The following ANKH variants were observed in gnomAD, a reference collection of about 807,000 sequenced individuals.
The protein encoded by ANKH is ANKH inorganic pyrophosphate transport regulator.
Under a neutral mutation model 49.0 loss-of-function variants are expected in ANKH, and 15 were observed. That is an observed-to-expected ratio of 0.31 (90% CI 0.20 to 0.47). ANKH has a LOEUF of 0.47. ANKH is among the 20% of genes least tolerant of loss of function. The pLI is 1.00. For synonymous variants in ANKH, 273 were observed against 260.0 expected, an observed-to-expected ratio of 1.05 and a Z score of -0.48; for missense variants, 429 against 652.0, an observed-to-expected ratio of 0.66 and a Z score of 3.72.
intron 1 of ANKH, among the ~76,000 whole-genome samples, chr5:14,854,165 T>C (rs1742194404): frequency 6.6e-6 from 1 of 152,238 alleles, no homozygotes; most frequent in Non-Finnish European, 1.5e-5. Flanking sequence ...ATGAATATCA[T>C]AGCATTTGCA....
chr5:14,724,547 C>T lies in ANKH; in HGVS notation c.1012-7712G>A, dbSNP rs533602369. 1.1e-5 allele frequency: 11 copies of T among 985,326 alleles called. No individual in the cohort carries two copies. The African/African-American group carries it at 1.4e-4, about 13-fold the overall frequency. The allele number at this position is 985,326 out of a possible 1,614,324, so 61.0% of individuals were successfully genotyped here. Reference sequence around the variant, plus strand: ...TCGCCAGCTTTACAGACAGAAGACCCCTGGGTCTTACTATGCTACAGTCCG... The same window carrying T: ...TCGCCAGCTTTACAGACAGAAGACCTCTGGGTCTTACTATGCTACAGTCCG... On this transcript the variant is annotated intron_variant, in intron 8 of 11. Coordinates refer to ENST00000284268, the MANE Select transcript of ANKH (RefSeq NM_054027.6).
intron 7 of ANKH, 35 bp from the exon 8 acceptor site, chr5:14,741,957 G>A (rs146936383): frequency 3.3e-5 from 51 of 1,553,656 alleles, no homozygotes; most frequent in Middle Eastern, 1.7e-4. Context: ...GAATGGGCCC[G>A]GCTTATCCTT....
At chr5:14,785,550 C>T (rs1257439763) in intron 1 of ANKH, among the ~76,000 whole-genome samples, 3 of 152,110 alleles carry the variant, frequency 2.0e-5, no homozygotes, top group Non-Finnish European at 2.9e-5. Context: ...CCTGCAGCAC[C>T]GTAAGCCAAT....
chr5:14,814,732 C>T (rs10054602), intron 1 of ANKH, among the ~76,000 whole-genome samples: 16,084 of 152,254 alleles, frequency 0.11, 1,330 homozygotes, highest in East Asian at 0.44. Flanking sequence ...TGGCATTCCT[C>T]GACTCAGACT....
intron 1 of ANKH, among the ~76,000 whole-genome samples, chr5:14,858,281 C>G (rs528019221): frequency 1.3e-5 from 2 of 152,258 alleles, no homozygotes; most frequent in East Asian, 3.9e-4. Flanking sequence ...TCCCCCAGAG[C>G]CCCCAAAGTC....
chr5:14,778,938 C>A (rs1739721389), intron 1 of ANKH, among the ~76,000 whole-genome samples: 1 of 152,190 alleles, frequency 6.6e-6, no homozygotes, highest in Admixed American at 6.5e-5. Context: ...AGTTACCCCT[C>A]TAGTCTTTCC....
chr5:14,833,947 G>A (rs1319023511), intron 1 of ANKH, among the ~76,000 whole-genome samples: 7 of 152,076 alleles, frequency 4.6e-5, no homozygotes, highest in Non-Finnish European at 1.0e-4. Flanking sequence ...AAAGAATCAG[G>A]AAACCAAAGA....
rs902100706 is a variant in ANKH, at chr5:14,770,534, T to C, written c.97-1343A>G. ...TCAAACAGAATAATTATTAACAATA[T>C]ATTATAATAAAAGTTTTATCAATGT... On this transcript the variant is annotated intron_variant, in intron 1 of 11. Coordinates refer to ENST00000284268, the MANE Select transcript of ANKH (RefSeq NM_054027.6). The surrounding 1 kb of genome is among the most constrained non-coding windows in gnomAD (Gnocchi z 4.1). Among the ~76,000 whole-genome samples the C allele has an allele frequency of 6.6e-6, 1 of 152,162 alleles. No individual in the cohort carries two copies.
intron 8 of ANKH, among the ~76,000 whole-genome samples, chr5:14,732,583 G>A (rs1738040298): frequency 6.6e-6 from 1 of 151,470 alleles, no homozygotes. Context: ...CCTATGTTAG[G>A]GACCACTGAG....
Position 14,737,534 on chromosome 5 carries a change from A to G in ANKH, c.1011+4293T>C, listed in dbSNP as rs1738225332. ...TTCTACAGCCAGTCACATGAGCGAC[A>G]GAGACCGCAGCTGTCCAGGAAGGCT... On this transcript the variant is annotated intron_variant, in intron 8 of 11. Coordinates refer to ENST00000284268, the MANE Select transcript of ANKH (RefSeq NM_054027.6). This position sits in a 1 kb window ranked among gnomAD's most constrained non-coding sequence, Gnocchi z 5.0. Among the ~76,000 whole-genome samples, 1 of 152,222 alleles carries G rather than the reference A, an allele frequency of 6.6e-6. No individual in the cohort carries two copies. The highest frequency in any genetic ancestry group is 1.5e-5 in the Non-Finnish European group (1 of 68,040).
Position 14,751,291 on chromosome 5 carries a change from T to C in ANKH, c.517-52A>G, listed in dbSNP as rs2291943. Reference sequence around the variant, plus strand: ...TCAGAGGGGAGAAGCGGGAACCGACTGACAGAAGCACAGGGGCACGCTCTT... The same window carrying C: ...TCAGAGGGGAGAAGCGGGAACCGACCGACAGAAGCACAGGGGCACGCTCTT... On this transcript the variant is annotated intron_variant, in intron 4 of 11. Transcript: ENST00000284268. The C allele has an allele frequency of 0.081, 127,994 of 1,575,912 alleles. 11,367 individuals are homozygous for C. The highest frequency in any genetic ancestry group is 0.42 in the African/African-American group (31,444 of 74,166).
chr5:14,809,349 A>AG (rs968743645), intron 1 of ANKH, among the ~76,000 whole-genome samples: 2 of 147,060 alleles, frequency 1.4e-5, no homozygotes, highest in African/African-American at 2.5e-5. Context: ...AAAAAAAAAA[A>AG]AAAAAAAAGA....
At chr5:14,849,532 T>C (rs752409439) in intron 1 of ANKH, among the ~76,000 whole-genome samples, 21 of 152,218 alleles carry the variant, frequency 1.4e-4, no homozygotes, top group Non-Finnish European at 2.5e-4. Flanking sequence ...TAGATCATTA[T>C]CACTTCCATG....
intron 1 of ANKH, among the ~76,000 whole-genome samples, chr5:14,855,231 G>T (rs1371024278): frequency 6.6e-6 from 1 of 152,158 alleles, no homozygotes; most frequent in Non-Finnish European, 1.5e-5. Flanking sequence ...TCCTTCTATA[G>T]GATCCCAGAG....
chr5:14,711,417 G>C lies in ANKH; in HGVS notation c.1366-107C>G, dbSNP rs199889728. On this transcript the variant is annotated intron_variant, in intron 11 of 11. Coordinates refer to ENST00000284268, the MANE Select transcript of ANKH (RefSeq NM_054027.6). ...GGGTCTTGGGGGACCCCTCACTGTAGGCTTAAACCTTCTTATGGTTGGGGT... is the reference window on the plus strand; with the variant it reads ...GGGTCTTGGGGGACCCCTCACTGTACGCTTAAACCTTCTTATGGTTGGGGT... 4.3e-5 allele frequency: 39 copies of C among 904,548 alleles called. No individual in the cohort carries two copies. The East Asian group carries it at 9.0e-4, about 21-fold the overall frequency. The allele number at this position is 904,548 out of a possible 1,614,324, so 56.0% of individuals were successfully genotyped here.
intron 8 of ANKH, among the ~76,000 whole-genome samples, chr5:14,721,809 A>G (rs2126427293): frequency 6.6e-6 from 1 of 151,938 alleles, no homozygotes; most frequent in South Asian, 2.1e-4. Context: ...AGGCGCCTGT[A>G]GTCCCAGCTA....
rs534868769 is a variant in ANKH at position 14,798,004 on chromosome 5, T to C, written c.97-28813A>G. ...GTGATGATACAAGGGTTCTGGGGCA[T>C]ATAACGGGCCCTGTTTACTTTTCCT... On this transcript the variant is annotated intron_variant, in intron 1 of 11. Transcript: ENST00000284268. 156 of 1,564,456 alleles carry C rather than the reference T, an allele frequency of 1.0e-4. No individual in the cohort carries two copies. In the East Asian group the frequency reaches 3.3e-3, roughly 33 times the overall value.
intron 8 of ANKH, among the ~76,000 whole-genome samples, chr5:14,726,711 C>T (rs748851720): frequency 2.6e-5 from 4 of 152,138 alleles, no homozygotes; most frequent in Non-Finnish European, 5.9e-5. Flanking sequence ...CATGGAATTC[C>T]ATCAGGACAC....
At chr5:14,722,323 T>C (rs1737696727) in intron 8 of ANKH, among the ~76,000 whole-genome samples, 1 of 152,182 alleles carries the variant, frequency 6.6e-6, no homozygotes. Flanking sequence ...TTTTCTGCTG[T>C]CGAGTTTGCT....
Sources: gnomAD v4.1 joint callset for allele counts (sites outside exome capture counted in the v4.1 genomes callset) on GRCh38, gnomAD v4.1.1 for gene constraint, Gnocchi (gnomAD v3.1) non-coding constraint, MANE v1.5 for transcripts, NCBI Gene and HGNC (gene_info 2026-07-23, HGNC 2026-07-21) for gene names.